NBEA: variants seen among roughly 807,000 people sequenced by gnomAD.
The protein encoded by NBEA is lysosomal-trafficking regulator 2.
Under a neutral mutation model 343.4 loss-of-function variants are expected in NBEA, and 44 were observed. The ratio of observed to expected loss-of-function variants is 0.13; its 90% CI spans 0.10 to 0.16. The LOEUF is 0.16. Ranked by LOEUF, NBEA falls within the 10% of genes least tolerant of loss-of-function variation. NBEA has a pLI of 1.00. For synonymous variants in NBEA, 1,175 were observed against 1,238.7 expected (o/e 0.95, Z 1.08); for missense variants, 2,555 against 3,631.3 (o/e 0.70, Z 7.62).
At chr13:35,014,883 G>C (rs770424883) in intron 1 of NBEA, among the ~76,000 whole-genome samples, 1 of 151,916 alleles carries the variant, frequency 6.6e-6, no homozygotes, top group Non-Finnish European at 1.5e-5. Context: ...GGCCACCAGG[G>C]CCACTGTCAG....
At chr13:35,376,148 G>A (rs1333037632) in intron 38 of NBEA, among the ~76,000 whole-genome samples, 1 of 152,048 alleles carries the variant, frequency 6.6e-6, no homozygotes, top group Non-Finnish European at 1.5e-5. Context: ...TGCAACAACT[G>A]AGCAGCTCAC....
intron 1 of NBEA, among the ~76,000 whole-genome samples, chr13:35,023,088 TAAAG>T (rs2152542653): frequency 6.6e-6 from 1 of 152,190 alleles, no homozygotes; most frequent in African/African-American, 2.4e-5. Flanking sequence ...GAAGACAGAA[TAAAG>T]AAAGGAGATA....
At chr13:35,024,081 G>T (rs1016202901) in intron 1 of NBEA, among the ~76,000 whole-genome samples, 1 of 152,130 alleles carries the variant, frequency 6.6e-6, no homozygotes, top group Admixed American at 6.6e-5. Flanking sequence ...TTTTCTGATG[G>T]ACTTAAAAGT....
chr13:35,177,124 T>C, intron 28 of NBEA, 21 bp downstream of exon 28: 2 of 1,524,754 alleles, frequency 1.3e-6, no homozygotes, highest in South Asian at 1.2e-5. Context: ...CCTGATTGGT[T>C]TCCCTGAAAT....
chr13:35,416,665 A>G (rs1207790692), intron 38 of NBEA, among the ~76,000 whole-genome samples: 1 of 152,120 alleles, frequency 6.6e-6, no homozygotes, highest in African/African-American at 2.4e-5. Flanking sequence ...TTTTTGCATC[A>G]ATGTTCATCA....
In NBEA at chr13:35,056,927, G is replaced by A. The variant is rs574533212; in HGVS notation, c.1092+798G>A. The stretch of plus-strand genomic sequence containing the variant: ...CAGAAGCGGGAAGATCACTTAAATC[G>A]CTTATTATAATAAAACAAAGAGACT... On this transcript the variant is annotated intron_variant, in intron 7 of 58. Transcript: ENST00000379939. 9.2e-5 allele frequency among the ~76,000 whole-genome samples: 14 copies of A among 152,138 alleles called. No homozygotes were observed. The South Asian group carries it at 2.3e-3, about 25-fold the overall frequency.
At chr13:35,399,102 A>G (rs1566075783) in intron 38 of NBEA, among the ~76,000 whole-genome samples, 1 of 152,100 alleles carries the variant, frequency 6.6e-6, no homozygotes, top group Non-Finnish European at 1.5e-5. Flanking sequence ...ATCTCATGAA[A>G]TAACCTCTTC....
chr13:35,114,639 C>A (rs1388733224), intron 13 of NBEA, among the ~76,000 whole-genome samples: 4 of 152,094 alleles, frequency 2.6e-5, no homozygotes, highest in Admixed American at 1.3e-4. Flanking sequence ...TCTGCTCCCT[C>A]CATAGAACCC....
chr13:35,010,739 A>ATATAT (rs1221896150), intron 1 of NBEA, among the ~76,000 whole-genome samples: 63 of 34,110 alleles, frequency 1.8e-3, no homozygotes, highest in Non-Finnish European at 3.0e-3. Context: ...AAAAAAAAAA[A>ATATAT]AAATATATAT....
intron 10 of NBEA, among the ~76,000 whole-genome samples, chr13:35,095,486 A>AT (rs1217529885): frequency 6.6e-6 from 1 of 151,586 alleles, no homozygotes; most frequent in Non-Finnish European, 1.5e-5. Context: ...TATTTCTTTC[A>AT]TTTTTTTCCC....
chr13:35,143,795 G>A (rs1174523576), intron 18 of NBEA, among the ~76,000 whole-genome samples: 4 of 151,802 alleles, frequency 2.6e-5, no homozygotes, highest in Non-Finnish European at 4.4e-5. Flanking sequence ...CTTGATCCCA[G>A]GAGGTCTGCT....
At chr13:35,123,612 CTA>C (rs779432980) in intron 17 of NBEA, 38 bp downstream of exon 17, 17 of 1,259,436 alleles carry the variant, frequency 1.3e-5, no homozygotes, top group South Asian at 2.0e-5. Context: ...CTAGAAATAA[CTA>C]TTGAGATTAT....
intron 8 of NBEA, among the ~76,000 whole-genome samples, chr13:35,065,185 A>G (rs1218645867): frequency 6.6e-6 from 1 of 151,846 alleles, no homozygotes; most frequent in Non-Finnish European, 1.5e-5. Context: ...TTTTGATACT[A>G]GTTTGTAAGG....
chr13:35,418,350 CTT>C (rs2044066939), intron 38 of NBEA, among the ~76,000 whole-genome samples: 1 of 151,874 alleles, frequency 6.6e-6, no homozygotes, highest in South Asian at 2.1e-4. Context: ...AGAAGAATAA[CTT>C]ATTATGTTGA....
intron 33 of NBEA, 33 bp downstream of exon 33, chr13:35,211,212 C>G: frequency 6.6e-7 from 1 of 1,513,860 alleles, no homozygotes; most frequent in Non-Finnish European, 8.9e-7. Context: ...CATTTTAACT[C>G]TTTTTAAATG....
intron 38 of NBEA, among the ~76,000 whole-genome samples, chr13:35,379,891 A>T (rs2041924873): frequency 6.6e-6 from 1 of 152,130 alleles, no homozygotes; most frequent in Non-Finnish European, 1.5e-5. Flanking sequence ...ATAGATCTTT[A>T]TACCTGGTAG....
chr13:35,533,232 A>G (rs1369893479), intron 41 of NBEA, among the ~76,000 whole-genome samples: 1 of 152,126 alleles, frequency 6.6e-6, no homozygotes, highest in East Asian at 1.9e-4. Flanking sequence ...CCAACAATGA[A>G]TCAATTTAAT....
At chr13:35,273,682 A>G (rs1479087111) in intron 34 of NBEA, among the ~76,000 whole-genome samples, 1 of 152,182 alleles carries the variant, frequency 6.6e-6, no homozygotes, top group Non-Finnish European at 1.5e-5. Context: ...TAAAGGGGAT[A>G]TCACCACCGT....
chr13:35,184,714 G>A lies in NBEA; in HGVS notation c.4927+643G>A, dbSNP rs544333030. On this transcript the variant is annotated intron_variant, in intron 30 of 58. Coordinates refer to ENST00000379939, the MANE Select transcript of NBEA (RefSeq NM_001385012.1). ...GATGTTTTTCAATGTAATGGAAAAA[G>A]TTAACATATTGAAGAGAGAAATGGA... Among the ~76,000 whole-genome samples the A allele has an allele frequency of 5.9e-5, 9 of 151,950 alleles. 1 individual carries two copies. The highest frequency in any genetic ancestry group is 2.2e-4 in the African/African-American group (9 of 41,482).
Sources: allele counts gnomAD v4.1 joint callset (sites outside exome capture counted in the v4.1 genomes callset), GRCh38; gene constraint gnomAD v4.1.1; transcripts MANE v1.5; gene names NCBI Gene and HGNC (gene_info 2026-07-23, HGNC 2026-07-21).